The following NCKAP5 variants were observed in gnomAD, a reference collection of about 807,000 sequenced individuals.
NCKAP5 encodes the protein nck-associated protein 5.
NCKAP5 carries 92 observed loss-of-function variants against 167.0 expected under a neutral mutation model. That is an observed-to-expected ratio of 0.55 (90% CI 0.47 to 0.66). The LOEUF (loss-of-function observed/expected upper bound fraction) is 0.66, where lower values mean the gene tolerates loss of function less well. Among genes scored for constraint, NCKAP5 ranks in the 30% least tolerant of loss-of-function variants. NCKAP5 has a pLI of 0.00. For synonymous variants in NCKAP5, 891 were observed against 877.4 expected (o/e 1.02, Z -0.27); for missense variants, 2,378 against 2,315.0 (o/e 1.03, Z -0.56).
At chr2:133,674,618 T>C in the NCKAP5 span, among the ~76,000 whole-genome samples, 2 of 151,940 alleles carry the variant, frequency 1.3e-5, no homozygotes, top group East Asian at 1.9e-4. Flanking sequence ...CTTTCCTCTA[T>C]ACCAACATCA....
At chr2:133,474,555 T>G (rs1209301529) in intron 3 of NCKAP5, among the ~76,000 whole-genome samples, 1 of 152,214 alleles carries the variant, frequency 6.6e-6, no homozygotes, top group African/African-American at 2.4e-5. Flanking sequence ...AGATTTTAAG[T>G]GTTCTCATAT....
intron 6 of NCKAP5, among the ~76,000 whole-genome samples, chr2:133,044,831 T>C (rs915820568): frequency 1.3e-5 from 2 of 152,032 alleles, no homozygotes; most frequent in Admixed American, 1.3e-4. Context: ...TCCCAGCACT[T>C]TGGGAGGCCG....
intron 11 of NCKAP5, among the ~76,000 whole-genome samples, chr2:132,799,932 G>A (rs2105191574): frequency 6.6e-6 from 1 of 152,198 alleles, no homozygotes; most frequent in Middle Eastern, 3.4e-3. Context: ...CTATAGGCAA[G>A]GAAATGATAG....
At chr2:133,485,455 A>G (rs1176564474) in intron 3 of NCKAP5, among the ~76,000 whole-genome samples, 1 of 152,182 alleles carries the variant, frequency 6.6e-6, no homozygotes, top group East Asian at 1.9e-4. Flanking sequence ...GAAGTGTCCA[A>G]GTTTGCTGGC....
chr2:133,556,146 C>G (rs891481180), intron 2 of NCKAP5, among the ~76,000 whole-genome samples: 1 of 152,096 alleles, frequency 6.6e-6, no homozygotes, highest in Non-Finnish European at 1.5e-5. Context: ...AGGAAGGCTT[C>G]TAGGGTGCTG....
intron 8 of NCKAP5, among the ~76,000 whole-genome samples, chr2:132,945,615 G>C (rs755101969): frequency 7.2e-5 from 11 of 151,930 alleles, no homozygotes; most frequent in Non-Finnish European, 1.6e-4. Flanking sequence ...TTACAAACTG[G>C]GGGAAAAATT....
the NCKAP5 span, among the ~76,000 whole-genome samples, chr2:133,644,904 A>G: frequency 6.6e-6 from 1 of 152,340 alleles, no homozygotes; most frequent in South Asian, 2.1e-4. Flanking sequence ...TTTCACTTTC[A>G]AAAGAATAAA....
intron 16 of NCKAP5, among the ~76,000 whole-genome samples, chr2:132,743,693 C>T (rs1679400945): frequency 1.3e-5 from 2 of 151,536 alleles, no homozygotes; most frequent in Non-Finnish European, 3.0e-5. Context: ...TAGATAATTA[C>T]ATAAAATTAA....
chr2:133,221,586 C>T (rs1000893983), intron 4 of NCKAP5, among the ~76,000 whole-genome samples: 25 of 152,174 alleles, frequency 1.6e-4, no homozygotes, highest in African/African-American at 5.3e-4. Flanking sequence ...ACAGAGAAAG[C>T]ATGCCTACGC....
chr2:133,072,807 G>C (rs115208014), intron 6 of NCKAP5, among the ~76,000 whole-genome samples: 2,249 of 152,198 alleles, frequency 0.015, 65 homozygotes, highest in African/African-American at 0.05. Flanking sequence ...AGTCACGTTT[G>C]AGAAACATTA....
intron 2 of NCKAP5, among the ~76,000 whole-genome samples, chr2:133,539,562 C>T (rs1328880924): frequency 2.0e-5 from 3 of 151,712 alleles, no homozygotes; most frequent in East Asian, 3.9e-4. Context: ...AAATATGATA[C>T]AAGAACAGGC....
At chr2:133,600,926 G>A in the NCKAP5 span, among the ~76,000 whole-genome samples, 1 of 152,230 alleles carries the variant, frequency 6.6e-6, no homozygotes, top group African/African-American at 2.4e-5. Flanking sequence ...AGTCCCTACA[G>A]GGATGTTCTG....
chr2:133,427,972 C>A (rs1190937198), intron 3 of NCKAP5, among the ~76,000 whole-genome samples: 1 of 151,902 alleles, frequency 6.6e-6, no homozygotes, highest in African/African-American at 2.4e-5. Flanking sequence ...TATGAATTAA[C>A]AGTAGAAATA....
At position 133,233,957 on chromosome 2, in the gene NCKAP5, A is replaced by C. The variant is rs761818069; in HGVS notation, c.144-20178T>G. On this transcript the variant is annotated intron_variant, in intron 4 of 19. Coordinates refer to ENST00000409261, the MANE Select transcript of NCKAP5 (RefSeq NM_207363.3). ...TTGCTGTGGAAACACGATCAAACCA[A>C]CAATGACTCAAATCATTGAAGAACC... is the stretch of plus-strand genomic sequence containing the variant. Among the ~76,000 whole-genome samples the C allele has an allele frequency of 2.0e-5, 3 of 152,174 alleles. No homozygotes were observed. In the South Asian group the frequency reaches 6.2e-4, roughly 31 times the overall value.
At chr2:132,690,404 G>T (rs1686570371) in intron 19 of NCKAP5, among the ~76,000 whole-genome samples, 1 of 152,126 alleles carries the variant, frequency 6.6e-6, no homozygotes, top group African/African-American at 2.4e-5. Flanking sequence ...GGACTTACTT[G>T]TTTTTATTCA....
chr2:132,714,940 G>T (rs572349734), intron 19 of NCKAP5: 2 of 451,758 alleles, frequency 4.4e-6, no homozygotes, highest in East Asian at 1.4e-4. Context: ...CTAGGTTCTT[G>T]GAGGTTCACA....
chr2:132,757,470 C>T (rs1559016951), intron 16 of NCKAP5, among the ~76,000 whole-genome samples: 2 of 152,194 alleles, frequency 1.3e-5, no homozygotes, highest in Non-Finnish European at 2.9e-5. Context: ...TTTTCTATTT[C>T]TCTGGCACAT....
intron 4 of NCKAP5, among the ~76,000 whole-genome samples, chr2:133,256,871 T>C (rs987446242): frequency 1.3e-5 from 2 of 152,166 alleles, no homozygotes; most frequent in African/African-American, 4.8e-5. Flanking sequence ...ATTCATATAG[T>C]GACAGAAGAC....
intron 6 of NCKAP5, among the ~76,000 whole-genome samples, chr2:133,087,399 A>G (rs2081028575): frequency 6.6e-6 from 1 of 152,244 alleles, no homozygotes; most frequent in South Asian, 2.1e-4. Context: ...GAATTTATTG[A>G]TAAAGACAGA....
Sources: allele counts gnomAD v4.1 joint callset (sites outside exome capture counted in the v4.1 genomes callset), GRCh38; gene constraint gnomAD v4.1.1; transcripts MANE v1.5; gene names NCBI Gene and HGNC (gene_info 2026-07-23, HGNC 2026-07-21).